The following CC2D2A variants were observed in gnomAD, a reference collection of about 807,000 sequenced individuals.
CC2D2A encodes the protein coiled-coil and C2 domain-containing protein 2A.
A neutral mutation model predicts 212.9 loss-of-function variants in CC2D2A; 155 were observed. That is an observed-to-expected ratio of 0.73 (90% CI 0.64 to 0.83). The LOEUF is 0.83. Ranked by LOEUF, CC2D2A falls within the 40% of genes least tolerant of loss-of-function variation. The pLI is 0.00. For synonymous variants in CC2D2A, 667 were observed against 686.5 expected (o/e 0.97, Z 0.44); for missense variants, 1,856 against 1,956.2 (o/e 0.95, Z 0.97).
Position 15,579,998 on chromosome 4 carries a change from CAA to C in CC2D2A, c.3803_3804del (p.Gln1268ArgfsTer3), listed in dbSNP as rs2109083312. On this transcript the variant is annotated frameshift_variant, in exon 30 of 37. Transcript: ENST00000424120. LOFTEE classifies it high-confidence loss of function. ...FESQEDEKLL[Q>X]ATEKFQAECA... ...GTCTCAGGAAGATGAGAAATTACTTCAAGCAACTGAGAAGTTTCAAGCTGAAT... is the reference window on the plus strand; with the variant it reads ...GTCTCAGGAAGATGAGAAATTACTTCGCAACTGAGAAGTTTCAAGCTGAAT... The C allele has an allele frequency of 6.2e-7, 1 of 1,613,668 alleles. No individual in the cohort carries two copies. The highest frequency in any genetic ancestry group is 8.5e-7 in the Non-Finnish European group (1 of 1,179,786).
chr4:15,553,056 C>A, intron 18 of CC2D2A, 102 bp from the exon 19 acceptor site: 1 of 1,011,838 alleles, frequency 9.9e-7, no homozygotes, highest in Non-Finnish European at 1.4e-6. Flanking sequence ...TCATCACCCC[C>A]ACCCACTCCA....
rs1558571 is a variant in CC2D2A, at chr4:15,536,768, T to C, written c.1608-152T>C. 3.4e-3 allele frequency among the ~76,000 whole-genome samples: 517 copies of C among 152,316 alleles called. 3 individuals are homozygous for C. Among genetic ancestry groups the C allele is most frequent in the African/African-American group, 0.012 (497 of 41,546 alleles). On this transcript the variant is annotated intron_variant, in intron 14 of 36. Coordinates refer to ENST00000424120, the MANE Select transcript of CC2D2A (RefSeq NM_001378615.1). ...CTCATGTATACGATGTGGATAATAA[T>C]AGCATCTGCCTCACAGGATTGTGAG...
At chr4:15,510,267 T>C (rs762364236) in intron 7 of CC2D2A, 27 bp downstream of exon 7, 3 of 1,580,764 alleles carry the variant, frequency 1.9e-6, no homozygotes, top group Non-Finnish European at 2.6e-6. Context: ...TTTAAAATCA[T>C]TTGTTTGTTT....
At chr4:15,493,269 T>TTTATTTATTTATTTAC (rs1553822163) in intron 4 of CC2D2A, among the ~76,000 whole-genome samples, 1 of 150,610 alleles carries the variant, frequency 6.6e-6, no homozygotes, top group Non-Finnish European at 1.5e-5. Context: ...TATTTATTTA[T>TTTATTTATTTATTTAC]TTACTTACTT....
At chr4:15,475,175 G>A (rs746608990) in intron 1 of CC2D2A, among the ~76,000 whole-genome samples, 22 of 152,230 alleles carry the variant, frequency 1.4e-4, no homozygotes, top group Non-Finnish European at 3.1e-4. Context: ...TTAGGAGGCT[G>A]ATGCAGAAGA....
At chr4:15,506,112 T>C (rs1162313209) in intron 6 of CC2D2A, among the ~76,000 whole-genome samples, 1 of 152,220 alleles carries the variant, frequency 6.6e-6, no homozygotes, top group Non-Finnish European at 1.5e-5. Context: ...AGGCACTCAA[T>C]ATTTTATTGC....
intron 18 of CC2D2A, among the ~76,000 whole-genome samples, chr4:15,552,460 T>A (rs2109052059): frequency 6.6e-6 from 1 of 152,270 alleles, no homozygotes. Context: ...TAAAAGTTTA[T>A]CCCCTCTCCA....
chr4:15,541,336 A>AATT (rs201736850), intron 17 of CC2D2A, among the ~76,000 whole-genome samples: 3 of 151,400 alleles, frequency 2.0e-5, no homozygotes, highest in East Asian at 1.9e-4. Context: ...TAGTAATAAT[A>AATT]ATTATTATTA....
At chr4:15,558,861 A>T (rs1372403244) in intron 21 of CC2D2A, among the ~76,000 whole-genome samples, 5 of 152,188 alleles carry the variant, frequency 3.3e-5, no homozygotes, top group African/African-American at 9.6e-5. Flanking sequence ...GGCAAAACTT[A>T]AGCAGGAGCT....
intron 4 of CC2D2A, among the ~76,000 whole-genome samples, chr4:15,488,621 T>C (rs1177321220): frequency 6.6e-6 from 1 of 152,218 alleles, no homozygotes; most frequent in African/African-American, 2.4e-5. Context: ...CCACGTTTGA[T>C]TACTCCTTTG....
intron 24 of CC2D2A, among the ~76,000 whole-genome samples, chr4:15,565,575 T>G (rs191194281): frequency 9.9e-5 from 15 of 152,256 alleles, no homozygotes; most frequent in Non-Finnish European, 1.8e-4. Flanking sequence ...GGGCCTAAAA[T>G]ATAGGTACTA....
chr4:15,582,530 G>A (rs1720703897), intron 30 of CC2D2A, among the ~76,000 whole-genome samples: 1 of 152,026 alleles, frequency 6.6e-6, no homozygotes, highest in South Asian at 2.1e-4. Context: ...GCAACTGATA[G>A]CACAGAAATG....
intron 30 of CC2D2A, 98 bp downstream of exon 30, chr4:15,580,269 T>C: frequency 1.2e-6 from 1 of 844,070 alleles, no homozygotes. Flanking sequence ...CTTAAGATGT[T>C]AACTATATCG....
In CC2D2A at chr4:15,569,480, G is replaced by A. The variant is rs116105151; in HGVS notation, c.3495+91G>A. ...TCCAATCACATTGTTACCAGAAAGG[G>A]GTCCCGATCTAGATCCTTTCTTGGA... is the stretch of plus-strand genomic sequence containing the variant. On this transcript the variant is annotated intron_variant, in intron 27 of 36. Coordinates refer to ENST00000424120, the MANE Select transcript of CC2D2A (RefSeq NM_001378615.1). 2,667 of 733,136 alleles carry A rather than the reference G, an allele frequency of 3.6e-3. 14 individuals carry two copies. Among genetic ancestry groups the A allele is most frequent in the Middle Eastern group, 5.1e-3 (16 of 3,120 alleles). 45.4% of individuals were successfully genotyped at this position (733,136 alleles called of 1,614,324 possible).
intron 7 of CC2D2A, among the ~76,000 whole-genome samples, chr4:15,510,504 G>A (rs1421057155): frequency 6.6e-6 from 1 of 152,196 alleles, no homozygotes; most frequent in African/African-American, 2.4e-5. Flanking sequence ...GCTGAGATGG[G>A]AGGATCACTT....
At chr4:15,566,792 T>A (rs760940108) in intron 24 of CC2D2A, among the ~76,000 whole-genome samples, 1 of 151,934 alleles carries the variant, frequency 6.6e-6, no homozygotes, top group Non-Finnish European at 1.5e-5. Context: ...AGCAACATCC[T>A]GAGACCTCTG....
chr4:15,495,313 T>C (rs1185862969), intron 4 of CC2D2A, among the ~76,000 whole-genome samples: 1 of 152,178 alleles, frequency 6.6e-6, no homozygotes, highest in Non-Finnish European at 1.5e-5. Flanking sequence ...TTCACCATGT[T>C]GCCCAGGCTG....
At chr4:15,521,823 G>A (rs551726264) in intron 11 of CC2D2A, among the ~76,000 whole-genome samples, 37 of 152,192 alleles carry the variant, frequency 2.4e-4, no homozygotes, top group Admixed American at 4.6e-4. Flanking sequence ...TGTCTATCCT[G>A]CAAAATACTA....
chr4:15,548,701 A>G (rs1299885900), intron 17 of CC2D2A, among the ~76,000 whole-genome samples: 1 of 152,222 alleles, frequency 6.6e-6, no homozygotes. Context: ...AGTGCAATAA[A>G]TGATAACTAC....
Sources: gnomAD v4.1 joint callset for allele counts (sites outside exome capture counted in the v4.1 genomes callset) on GRCh38, gnomAD v4.1.1 for gene constraint, MANE v1.5 for transcripts, NCBI Gene and HGNC (gene_info 2026-07-23, HGNC 2026-07-21) for gene names.